The following MEIS2 variants were observed in gnomAD, a reference collection of about 807,000 sequenced individuals.
MEIS2 encodes the protein Meis homeobox 2.
Under a neutral mutation model 58.6 loss-of-function variants are expected in MEIS2, and 9 were observed. The observed-to-expected ratio is 0.15, with a 90% CI of 0.09 to 0.27. The LOEUF (loss-of-function observed/expected upper bound fraction) is 0.27. MEIS2 is among the 10% of genes least tolerant of loss of function. The pLI is 1.00. For missense variants in MEIS2, 427 were observed against 635.0 expected (o/e 0.67, Z 3.52); for synonymous variants, 221 against 228.4 (o/e 0.97, Z 0.29).
chr15:37,028,709 C>G (rs2061796744), intron 8 of MEIS2, among the ~76,000 whole-genome samples: 1 of 152,184 alleles, frequency 6.6e-6, no homozygotes, highest in Admixed American at 6.5e-5. Flanking sequence ...CTTTGGACAG[C>G]TAGCATCAGA....
At chr15:36,964,992 C>T (rs12592636) in intron 8 of MEIS2, among the ~76,000 whole-genome samples, 5,730 of 152,216 alleles carry the variant, frequency 0.038, 240 homozygotes, top group East Asian at 0.17. Context: ...TGGCTCATAT[C>T]CATTGTCTCA....
At chr15:36,988,038 A>C (rs1220407811) in intron 8 of MEIS2, among the ~76,000 whole-genome samples, 1 of 152,162 alleles carries the variant, frequency 6.6e-6, no homozygotes, top group African/African-American at 2.4e-5. Context: ...CAGGATGAAA[A>C]AGTCTAGAGA....
chr15:36,896,674 G>T lies in MEIS2; in HGVS notation c.990C>A (p.Ala330=). 6.2e-7 allele frequency: 1 copy of T among 1,613,898 alleles called. No homozygotes were observed. The highest frequency in any genetic ancestry group is 8.5e-7 in the Non-Finnish European group (1 of 1,179,918). The change falls in exon 10 of 12, where the codon GCC becomes GCA. Residue 330 remains alanine, a synonymous_variant. Transcript: ENST00000561208. The stretch of plus-strand genomic sequence containing the variant: ...TCATGGGCTGTACTATTCTTCTTCT[G>T]GCATTAATAAACCTGAAAGAGAACA... ...ILQVNNWFIN[A]RRRIVQPMID... is the part of the protein sequence containing the mutation.
chr15:37,036,981 A>G (rs1006474307), intron 7 of MEIS2, 22 bp from the exon 8 acceptor site: 1 of 1,587,262 alleles, frequency 6.3e-7, no homozygotes, highest in Non-Finnish European at 8.6e-7. Flanking sequence ...AAATAAAAAT[A>G]CATTAGAGAA....
In MEIS2 at chr15:36,891,217, C is replaced by T. The variant is rs2055835635; in HGVS notation, c.*956G>A. 1 of 152,390 alleles carries T rather than the reference C, an allele frequency of 6.6e-6. No homozygotes were observed. Among genetic ancestry groups the T allele is most frequent in the Non-Finnish European group, 1.5e-5 (1 of 68,016 alleles). The allele number at this position is 152,390 out of a possible 1,614,324, so 9.4% of individuals were successfully genotyped here. On this transcript the variant is annotated 3_prime_UTR_variant, in exon 12 of 12. Transcript: ENST00000561208. ...TCATGGACATACAATACCAATTCCACAGCAGATCTGATACTAGCAAAAACA... is the reference window on the plus strand; with the variant it reads ...TCATGGACATACAATACCAATTCCATAGCAGATCTGATACTAGCAAAAACA...
At chr15:37,035,707 C>T (rs962986990) in intron 8 of MEIS2, among the ~76,000 whole-genome samples, 3 of 152,110 alleles carry the variant, frequency 2.0e-5, no homozygotes, top group African/African-American at 7.2e-5. Flanking sequence ...TCAAAATGGC[C>T]GATTTAGGAA....
chr15:37,099,605 T>G lies in MEIS2; in HGVS notation c.-139A>C, dbSNP rs1894856792. ...TCTCCCAATTCTCCAATATGCTATT[T>G]TTTAGGGGGGAAAAAAAGCCCAGTC... On this transcript the variant is annotated 5_prime_UTR_variant, in exon 1 of 12. Coordinates refer to ENST00000561208, the MANE Select transcript of MEIS2 (RefSeq NM_170675.5). 5 of 1,257,554 alleles carry G rather than the reference T, an allele frequency of 4.0e-6. No homozygotes were observed. In the East Asian group the frequency reaches 1.3e-4, roughly 32 times the overall value. The allele number at this position is 1,257,554 out of a possible 1,614,324, so 77.9% of individuals were successfully genotyped here. A position where few individuals can be genotyped will look rare whatever the true frequency, so the allele number is the denominator to read the frequency against.
In MEIS2 at chr15:37,058,128, C is replaced by T. The variant is rs375700288; in HGVS notation, c.755-21169G>A. ...CTGGGAATGCTTCTACAGCAATGGA[C>T]TCATTCTTTTCTCCCTACTCCCCCC... On this transcript the variant is annotated intron_variant, in intron 7 of 11. Coordinates refer to ENST00000561208, the MANE Select transcript of MEIS2 (RefSeq NM_170675.5). Among the ~76,000 whole-genome samples, 38 of 152,206 alleles carry T rather than the reference C, an allele frequency of 2.5e-4. No individual in the cohort carries two copies. The South Asian group carries it at 7.9e-3, about 31-fold the overall frequency.
chr15:36,952,020 A>G (rs997010652), intron 8 of MEIS2, among the ~76,000 whole-genome samples: 4 of 152,144 alleles, frequency 2.6e-5, no homozygotes, highest in African/African-American at 4.8e-5. Context: ...CCTGGTCATC[A>G]ATCGTTGCCT....
chr15:36,977,082 T>C (rs1055582061), intron 8 of MEIS2, among the ~76,000 whole-genome samples: 11 of 152,006 alleles, frequency 7.2e-5, no homozygotes, highest in Admixed American at 5.9e-4. Context: ...GCCACGATTG[T>C]GGGATTGCAC....
intron 9 of MEIS2, chr15:36,897,107 C>T (rs1414160748): frequency 5.7e-6 from 1 of 175,980 alleles, no homozygotes; most frequent in African/African-American, 2.4e-5. Flanking sequence ...TCGGCTTTCA[C>T]AAGGTATTGT....
rs75181817 is a variant in MEIS2, at chr15:37,079,356, C to G, written c.754+4415G>C. ...TAGAAGCAACTAGCAAAAGATTATG[C>G]CAGATGGCATCTGTCATATTGTATT... On this transcript the variant is annotated intron_variant, in intron 7 of 11. Transcript: ENST00000561208. Among the ~76,000 whole-genome samples, 95 of 152,102 alleles carry G rather than the reference C, an allele frequency of 6.2e-4. No individual in the cohort carries two copies. The East Asian group carries it at 0.016, about 25-fold the overall frequency.
chr15:36,951,428 T>C (rs1646243759), intron 8 of MEIS2, among the ~76,000 whole-genome samples: 1 of 152,128 alleles, frequency 6.6e-6, no homozygotes, highest in Non-Finnish European at 1.5e-5. Flanking sequence ...TCAACATTAT[T>C]AGAGGGTGAC....
intron 3 of MEIS2, 152 bp from the exon 4 acceptor site, chr15:37,095,766 A>T: frequency 9.0e-7 from 1 of 1,109,328 alleles, no homozygotes; most frequent in South Asian, 1.5e-5. Context: ...AAATTAGTGG[A>T]GTCCCTGAAG....
chr15:36,995,901 T>A (rs1226279945), intron 8 of MEIS2, among the ~76,000 whole-genome samples: 2 of 145,154 alleles, frequency 1.4e-5, no homozygotes, highest in African/African-American at 5.0e-5. Context: ...CATTATCCAT[T>A]CTGAAGTTAG....
intron 7 of MEIS2, among the ~76,000 whole-genome samples, chr15:37,046,094 A>G (rs1470031963): frequency 6.6e-6 from 1 of 152,228 alleles, no homozygotes; most frequent in Non-Finnish European, 1.5e-5. Context: ...TCGGAGCTGC[A>G]GGGGCTCATT....
In MEIS2 at chr15:37,093,542, C is replaced by T. The variant is rs753114017; in HGVS notation, c.639+39G>A. ...AACAAGGTTAAAATAATGCTTTGCC[C>T]AGTGGCCTTAAAAGATTGCTAAAGG... On this transcript the variant is annotated intron_variant, in intron 6 of 11. Transcript: ENST00000561208. The T allele has an allele frequency of 5.0e-6, 8 of 1,609,698 alleles. No individual in the cohort carries two copies. The South Asian group carries it at 8.8e-5, about 18-fold the overall frequency.
Position 36,891,833 on chromosome 15 carries a change from A to AT in MEIS2, c.*339dup, listed in dbSNP as rs878956602. 1.3e-3 allele frequency: 408 copies of AT among 308,872 alleles called. No individual in the cohort carries two copies. Among genetic ancestry groups the AT allele is most frequent in the Middle Eastern group, 5.9e-3 (6 of 1,024 alleles). The allele number at this position is 308,872 out of a possible 1,614,324, so 19.1% of individuals were successfully genotyped here. A position where few individuals can be genotyped will look rare whatever the true frequency, so the allele number is the denominator to read the frequency against. The stretch of plus-strand genomic sequence containing the variant: ...CACATAGTGTGGAAAACAAGGATAT[A>AT]TTTTTTTTTCTCTTCTAAAACTATT... On this transcript the variant is annotated 3_prime_UTR_variant, in exon 12 of 12. Coordinates refer to ENST00000561208, the MANE Select transcript of MEIS2 (RefSeq NM_170675.5).
intron 7 of MEIS2, among the ~76,000 whole-genome samples, chr15:37,055,521 C>A (rs572085749): frequency 6.6e-6 from 1 of 152,276 alleles, no homozygotes; most frequent in Admixed American, 6.5e-5. Context: ...GGAAACCTTC[C>A]ACCACTGCCA....
Sources: gnomAD v4.1 joint callset for allele counts (sites outside exome capture counted in the v4.1 genomes callset) on GRCh38, gnomAD v4.1.1 for gene constraint, MANE v1.5 for transcripts, NCBI Gene and HGNC (gene_info 2026-07-23, HGNC 2026-07-21) for gene names.